IRAK2: variants seen among roughly 807,000 people sequenced by gnomAD.
The protein encoded by IRAK2 is interleukin-1 receptor-associated kinase-like 2.
A neutral mutation model predicts 72.0 loss-of-function variants in IRAK2; 57 were observed. The observed-to-expected ratio is 0.79, with a 90% confidence interval of 0.64 to 0.99. The LOEUF (loss-of-function observed/expected upper bound fraction) is 0.99. IRAK2 is among the 50% of genes least tolerant of loss of function. The pLI, the probability that IRAK2 is intolerant of heterozygous loss-of-function variation, is 0.00. For synonymous variants in IRAK2, 293 were observed against 312.7 expected, an observed-to-expected ratio of 0.94 and a Z score of 0.67; for missense variants, 790 against 794.4, an observed-to-expected ratio of 0.99 and a Z score of 0.07.
chr3:10,198,753 A>G (rs967534112), intron 2 of IRAK2, among the ~76,000 whole-genome samples: 2 of 152,048 alleles, frequency 1.3e-5, no homozygotes, highest in Non-Finnish European at 2.9e-5. Flanking sequence ...GGCACAGTTG[A>G]CCAGTTCAAA....
chr3:10,219,307 G>A lies in IRAK2; in HGVS notation c.904-373G>A, dbSNP rs9881038. 5.6e-3 allele frequency among the ~76,000 whole-genome samples: 791 copies of A among 140,620 alleles called. 9 individuals carry two copies. Among genetic ancestry groups the A allele is most frequent in the African/African-American group, 0.02 (729 of 36,350 alleles). The allele number at this position is 140,620 out of a possible 152,430, so 92.3% of individuals were successfully genotyped here. ...CCTGGGACCCTGCCATCAGGACTTC[G>A]TTTTTTTGTTTTTGTTTTTGTTTTT... is the stretch of plus-strand genomic sequence containing the variant. On this transcript the variant is annotated intron_variant, in intron 7 of 12. Transcript: ENST00000256458.
intron 1 of IRAK2, among the ~76,000 whole-genome samples, chr3:10,167,229 A>C (rs1208926841): frequency 6.6e-6 from 1 of 152,096 alleles, no homozygotes; most frequent in Non-Finnish European, 1.5e-5. Context: ...GAACATTTTA[A>C]TCACCCGAAG....
chr3:10,172,483 A>G (rs1446350433), intron 1 of IRAK2, among the ~76,000 whole-genome samples: 2 of 141,190 alleles, frequency 1.4e-5, no homozygotes, highest in South Asian at 4.7e-4. Context: ...GGTTGCAGTG[A>G]GCTGACATGT....
chr3:10,223,495 T>C (rs559492877), intron 9 of IRAK2, among the ~76,000 whole-genome samples: 1 of 152,368 alleles, frequency 6.6e-6, no homozygotes, highest in Non-Finnish European at 1.5e-5. Context: ...CCTTCGGACC[T>C]CTAGGATTGA....
chr3:10,233,181 C>T (rs890583897), intron 10 of IRAK2, among the ~76,000 whole-genome samples: 1 of 152,072 alleles, frequency 6.6e-6, no homozygotes, highest in African/African-American at 2.4e-5. Context: ...TCCCGAGTAC[C>T]TGGGACTATA....
chr3:10,218,323 C>T (rs1039296008), intron 7 of IRAK2, among the ~76,000 whole-genome samples: 2 of 150,234 alleles, frequency 1.3e-5, no homozygotes, highest in Non-Finnish European at 2.9e-5. Flanking sequence ...ACTGAGGAGG[C>T]TGAGACAGGA....
intron 2 of IRAK2, among the ~76,000 whole-genome samples, chr3:10,191,336 C>A (rs929336592): frequency 1.3e-5 from 2 of 152,064 alleles, no homozygotes; most frequent in African/African-American, 4.8e-5. Context: ...TCGTGACGCC[C>A]AGCCTAATTG....
intron 2 of IRAK2, among the ~76,000 whole-genome samples, chr3:10,190,575 A>G (rs1427021981): frequency 1.3e-5 from 2 of 152,184 alleles, no homozygotes; most frequent in African/African-American, 2.4e-5. Flanking sequence ...GAGTGGTGTT[A>G]GAATGAACAG....
At chr3:10,167,924 G>A (rs1043096366) in intron 1 of IRAK2, among the ~76,000 whole-genome samples, 1 of 152,104 alleles carries the variant, frequency 6.6e-6, no homozygotes, top group Non-Finnish European at 1.5e-5. Flanking sequence ...CCTGTCTCCT[G>A]AGTAGCTGGA....
intron 2 of IRAK2, among the ~76,000 whole-genome samples, chr3:10,199,951 G>C (rs1183146078): frequency 6.7e-6 from 1 of 149,416 alleles, no homozygotes; most frequent in Non-Finnish European, 1.5e-5. Flanking sequence ...GTAGTGGTGC[G>C]ATCTTGGCTC....
At chr3:10,188,312 G>C (rs907330477) in intron 2 of IRAK2, among the ~76,000 whole-genome samples, 2 of 152,146 alleles carry the variant, frequency 1.3e-5, no homozygotes, top group Non-Finnish European at 2.9e-5. Context: ...AGCTGGACAA[G>C]AGAGTTAATA....
At chr3:10,171,534 C>T (rs1026115237) in intron 1 of IRAK2, among the ~76,000 whole-genome samples, 3 of 152,102 alleles carry the variant, frequency 2.0e-5, no homozygotes, top group Non-Finnish European at 2.9e-5. Flanking sequence ...TCTACTGCCT[C>T]GGGTGAACTC....
intron 6 of IRAK2, among the ~76,000 whole-genome samples, 166 bp from the exon 7 acceptor site, chr3:10,216,768 T>C (rs1697610838): frequency 6.6e-6 from 1 of 152,174 alleles, no homozygotes; most frequent in Non-Finnish European, 1.5e-5. Flanking sequence ...GCAGACAGTT[T>C]TCATCTTTCC....
At chr3:10,235,744 C>G (rs1697946064) in intron 11 of IRAK2, among the ~76,000 whole-genome samples, 1 of 152,142 alleles carries the variant, frequency 6.6e-6, no homozygotes, top group South Asian at 2.1e-4. Flanking sequence ...CCCAAGCCTC[C>G]CATTTTACAG....
rs187967422 is a variant in IRAK2 at position 10,204,568 on chromosome 3, G to A, written c.424+4053G>A. Reference sequence around the variant, plus strand: ...GTTCGAGACCAGCCTGGTCAACATGGTGAAACCTCATCTCTACTAAAAATA... The same window carrying A: ...GTTCGAGACCAGCCTGGTCAACATGATGAAACCTCATCTCTACTAAAAATA... On this transcript the variant is annotated intron_variant, in intron 3 of 12. Coordinates refer to ENST00000256458, the MANE Select transcript of IRAK2 (RefSeq NM_001570.4). 1.7e-3 allele frequency among the ~76,000 whole-genome samples: 266 copies of A among 152,216 alleles called. 6 individuals carry two copies. The South Asian group carries it at 0.044, about 25-fold the overall frequency.
chr3:10,208,212 T>A (rs1697461228), intron 3 of IRAK2, among the ~76,000 whole-genome samples: 1 of 151,940 alleles, frequency 6.6e-6, no homozygotes. Context: ...AACTTCTCCA[T>A]GCCTCATTTC....
At chr3:10,186,693 G>C (rs1302848088) in intron 2 of IRAK2, among the ~76,000 whole-genome samples, 2 of 151,440 alleles carry the variant, frequency 1.3e-5, no homozygotes. Flanking sequence ...CTTCCCTGCT[G>C]CTGAGGCAGA....
At chr3:10,219,611 C>CGT in intron 7 of IRAK2, 69 bp from the exon 8 acceptor site, 1 of 1,206,188 alleles carries the variant, frequency 8.3e-7, no homozygotes, top group Non-Finnish European at 1.2e-6. Flanking sequence ...AGCCACCGCA[C>CGT]CTGGCTGCCA....
At chr3:10,183,076 G>A (rs1696988607) in intron 2 of IRAK2, among the ~76,000 whole-genome samples, 1 of 152,156 alleles carries the variant, frequency 6.6e-6, no homozygotes, top group Non-Finnish European at 1.5e-5. Flanking sequence ...CTGGCTGGAT[G>A]CCCACCACCT....
Sources: allele counts gnomAD v4.1 joint callset (sites outside exome capture counted in the v4.1 genomes callset), GRCh38; gene constraint gnomAD v4.1.1; transcripts MANE v1.5; gene names NCBI Gene and HGNC (gene_info 2026-07-23, HGNC 2026-07-21).